Variants in WDR49 observed in about 807,000 individuals in gnomAD.
WDR49 encodes the protein cilia- and flagella-associated protein 337.
In WDR49, 107 loss-of-function variants were observed where a neutral mutation model predicts 119.5. The observed-to-expected ratio is 0.90, with a 90% CI of 0.77 to 1.05. The LOEUF is 1.05. Among genes scored for constraint, WDR49 ranks in the 50% least tolerant of loss-of-function variants. The pLI is 0.00. For missense variants in WDR49, 1,240 were observed against 1,220.5 expected (o/e 1.02, Z -0.24); for synonymous variants, 425 against 418.8 (o/e 1.01, Z -0.18).
At chr3:167,510,288 G>T (rs918601275) in intron 16 of WDR49, among the ~76,000 whole-genome samples, 2 of 152,032 alleles carry the variant, frequency 1.3e-5, no homozygotes, top group Non-Finnish European at 1.5e-5. Flanking sequence ...TTATAATAAG[G>T]AAATATTCTG....
chr3:167,557,550 G>A (rs1713008039), intron 9 of WDR49, among the ~76,000 whole-genome samples: 1 of 152,116 alleles, frequency 6.6e-6, no homozygotes, highest in African/African-American at 2.4e-5. Flanking sequence ...GGAAGCTTGA[G>A]CAAGTTGCCT....
At chr3:167,556,346 C>G (rs1712926747) in intron 9 of WDR49, among the ~76,000 whole-genome samples, 1 of 152,122 alleles carries the variant, frequency 6.6e-6, no homozygotes, top group Non-Finnish European at 1.5e-5. Context: ...GAACCTGAAA[C>G]AGTCATCATT....
chr3:167,495,004 C>T (rs1751296363), intron 18 of WDR49, among the ~76,000 whole-genome samples: 1 of 152,108 alleles, frequency 6.6e-6, no homozygotes, highest in African/African-American at 2.4e-5. Flanking sequence ...GTGTCTCATT[C>T]TCTCTGCCGA....
intron 7 of WDR49, among the ~76,000 whole-genome samples, chr3:167,586,182 T>C (rs1026335770): frequency 1.3e-5 from 2 of 152,156 alleles, no homozygotes; most frequent in Admixed American, 6.6e-5. Context: ...TCAGGATTAG[T>C]GGCCTCGGGG....
chr3:167,523,144 T>C (rs1018653198), intron 15 of WDR49, among the ~76,000 whole-genome samples: 9 of 152,146 alleles, frequency 5.9e-5, no homozygotes, highest in African/African-American at 2.2e-4. Flanking sequence ...GATATTTGGC[T>C]GGTGCGCAAA....
At chr3:167,512,340 A>G (rs1752007895) in intron 16 of WDR49, among the ~76,000 whole-genome samples, 1 of 152,042 alleles carries the variant, frequency 6.6e-6, no homozygotes. Context: ...CCTAGAGTGG[A>G]CCCCCAGCAA....
At chr3:167,607,399 T>C (rs1171181691) in intron 5 of WDR49, among the ~76,000 whole-genome samples, 1 of 152,206 alleles carries the variant, frequency 6.6e-6, no homozygotes, top group Non-Finnish European at 1.5e-5. Flanking sequence ...ATCCCCCATA[T>C]GGAATTTCTC....
upstream of WDR49, among the ~76,000 whole-genome samples, chr3:167,657,121 T>C (rs143978185): frequency 6.6e-6 from 1 of 152,202 alleles, no homozygotes; most frequent in Non-Finnish European, 1.5e-5. Flanking sequence ...GACATAAATA[T>C]AGACCTTCCT....
intron 2 of WDR49, among the ~76,000 whole-genome samples, chr3:167,643,446 G>A (rs1717974824): frequency 6.6e-6 from 1 of 151,940 alleles, no homozygotes; most frequent in South Asian, 2.1e-4. Flanking sequence ...AAAAAGTGGG[G>A]GACTCCTCAA....
chr3:167,543,156 G>T (rs1384032761), intron 10 of WDR49, among the ~76,000 whole-genome samples: 2 of 151,454 alleles, frequency 1.3e-5, no homozygotes, highest in African/African-American at 2.4e-5. Context: ...AAAAAAAAAT[G>T]CCAACAAAAA....
At chr3:167,502,772 A>G (rs530483199) in intron 17 of WDR49, among the ~76,000 whole-genome samples, 1 of 152,338 alleles carries the variant, frequency 6.6e-6, no homozygotes, top group East Asian at 1.9e-4. Flanking sequence ...TGCTTCTAAT[A>G]GCCTAGCTTA....
intron 16 of WDR49, among the ~76,000 whole-genome samples, chr3:167,516,497 CATT>C (rs1196521513): frequency 6.6e-6 from 1 of 152,022 alleles, no homozygotes; most frequent in African/African-American, 2.4e-5. Flanking sequence ...TCAAGTCTAT[CATT>C]GTTGGACATT....
intron 15 of WDR49, 114 bp downstream of exon 15, chr3:167,527,706 G>A: frequency 8.9e-7 from 1 of 1,121,460 alleles, no homozygotes; most frequent in African/African-American, 1.6e-5. Context: ...AATGTTGTCA[G>A]TTCTTTCATG....
chr3:167,597,718 G>A (rs1374010652), intron 7 of WDR49, among the ~76,000 whole-genome samples: 1 of 152,168 alleles, frequency 6.6e-6, no homozygotes, highest in African/African-American at 2.4e-5. Context: ...GGAGTAAAAG[G>A]AAATTTTGGA....
In WDR49 at chr3:167,645,853, G is replaced by A. The variant is rs553219434; in HGVS notation, c.165+7408C>T. ...GACTTTAAACAAATAATGGCATTGC[G>A]TTAATCAGAGCATCTATGATGAAAG... is the stretch of plus-strand genomic sequence containing the variant. On this transcript the variant is annotated intron_variant, in intron 2 of 18. Coordinates refer to ENST00000682715, the MANE Select transcript of WDR49 (RefSeq NM_001366157.1). Among the ~76,000 whole-genome samples the A allele has an allele frequency of 2.0e-4, 30 of 152,276 alleles. No individual in the cohort carries two copies. The East Asian group carries it at 2.7e-3, about 14-fold the overall frequency.
intron 7 of WDR49, among the ~76,000 whole-genome samples, chr3:167,585,456 C>T (rs1451097531): frequency 1.3e-5 from 2 of 148,528 alleles, no homozygotes; most frequent in Admixed American, 1.3e-4. Flanking sequence ...AGATAAACAA[C>T]TTAGAAACAA....
At chr3:167,578,875 T>A (rs557171293) in intron 7 of WDR49, among the ~76,000 whole-genome samples, 16 of 152,332 alleles carry the variant, frequency 1.1e-4, no homozygotes, top group Admixed American at 9.8e-4. Context: ...GCCAGATGTC[T>A]ACTATCCTGT....
chr3:167,636,084 C>A (rs1209669473), intron 2 of WDR49, among the ~76,000 whole-genome samples: 2 of 151,604 alleles, frequency 1.3e-5, no homozygotes, highest in East Asian at 3.9e-4. Flanking sequence ...ATACACTGAA[C>A]CCAATTTATA....
intron 7 of WDR49, among the ~76,000 whole-genome samples, chr3:167,597,153 C>T (rs1205833213): frequency 6.6e-6 from 1 of 152,218 alleles, no homozygotes; most frequent in Non-Finnish European, 1.5e-5. Flanking sequence ...CAGGGTCCTG[C>T]TGCCTCTGTG....
Sources: allele counts gnomAD v4.1 joint callset (sites outside exome capture counted in the v4.1 genomes callset), GRCh38; gene constraint gnomAD v4.1.1; transcripts MANE v1.5; gene names NCBI Gene and HGNC (gene_info 2026-07-23, HGNC 2026-07-21).